SEMA3A: variants seen among roughly 807,000 people sequenced by gnomAD.
The protein encoded by SEMA3A is semaphorin 3A.
SEMA3A carries 29 observed loss-of-function variants against 97.9 expected under a neutral mutation model. The ratio of observed to expected loss-of-function variants is 0.30; its 90% CI spans 0.22 to 0.40. The LOEUF is 0.40. SEMA3A is among the 10% of genes least tolerant of loss of function. The pLI, the probability that SEMA3A is intolerant of heterozygous loss-of-function variation, is 1.00. For synonymous variants in SEMA3A, 321 were observed against 323.7 expected, an observed-to-expected ratio of 0.99 and a Z score of 0.09; for missense variants, 763 against 951.3, an observed-to-expected ratio of 0.80 and a Z score of 2.60.
In SEMA3A at chr7:84,429,519, TATA is replaced by T. The variant is rs1562945074; in HGVS notation, c.-245-57622_-245-57620del. On this transcript the variant is annotated intron_variant, in intron 1 of 3. Coordinates refer to the SEMA3A transcript ENST00000424555. The stretch of plus-strand genomic sequence containing the variant: ...CATTAGTAAAATATAGAGTTTGTTA[TATA>T]TATATATATATATATATATATATAT... 7.9e-4 allele frequency among the ~76,000 whole-genome samples: 72 copies of T among 91,398 alleles called. 5 individuals carry two copies. The highest frequency in any genetic ancestry group is 2.7e-3 in the African/African-American group (67 of 24,984). 60.0% of individuals were successfully genotyped at this position (91,398 alleles called of 152,430 possible).
At chr7:84,484,551 AC>A (rs1806527043) in intron 1 of SEMA3A, among the ~76,000 whole-genome samples, 1 of 150,806 alleles carries the variant, frequency 6.6e-6, no homozygotes, top group Admixed American at 6.6e-5. Flanking sequence ...ACTTTCACAC[AC>A]ACACACACAC....
chr7:84,130,529 A>C (rs959932674), intron 2 of SEMA3A, among the ~76,000 whole-genome samples: 18 of 152,110 alleles, frequency 1.2e-4, no homozygotes, highest in African/African-American at 4.3e-4. Flanking sequence ...TATGTAAATT[A>C]AAATTATAGT....
chr7:84,403,830 G>T (rs998223808), intron 1 of SEMA3A, among the ~76,000 whole-genome samples: 3 of 152,084 alleles, frequency 2.0e-5, no homozygotes, highest in African/African-American at 4.8e-5. Context: ...TGCAGCTGAG[G>T]GTCCTGACTG....
At chr7:83,963,426 C>A in intron 15 of SEMA3A, 79 bp from the exon 16 acceptor site, 1 of 1,470,118 alleles carries the variant, frequency 6.8e-7, no homozygotes, top group Non-Finnish European at 9.3e-7. Flanking sequence ...TTTGGAAATT[C>A]AGGAGACAAG....
intron 1 of SEMA3A, among the ~76,000 whole-genome samples, chr7:84,403,723 A>G (rs946312371): frequency 6.6e-6 from 1 of 152,064 alleles, no homozygotes; most frequent in African/African-American, 2.4e-5. Flanking sequence ...AGGCAGCAAC[A>G]TTTGCGGTTC....
chr7:84,366,484 C>CT (rs150303669), intron 2 of SEMA3A, among the ~76,000 whole-genome samples: 9,651 of 151,208 alleles, frequency 0.064, 363 homozygotes, highest in East Asian at 0.13. Flanking sequence ...TAAATTACTC[C>CT]TTTTTATCAA....
chr7:84,238,393 A>C (rs1799284154), intron 3 of SEMA3A, among the ~76,000 whole-genome samples: 1 of 152,112 alleles, frequency 6.6e-6, no homozygotes, highest in Non-Finnish European at 1.5e-5. Flanking sequence ...ACTGAACTTG[A>C]GTACAGGACA....
intron 4 of SEMA3A, among the ~76,000 whole-genome samples, 166 bp downstream of exon 4, chr7:84,110,304 C>T (rs1018368086): frequency 6.6e-6 from 1 of 152,142 alleles, no homozygotes; most frequent in Non-Finnish European, 1.5e-5. Context: ...GTAATGTTCT[C>T]ATTCTTTTTG....
chr7:84,312,374 T>C (rs973289925), intron 2 of SEMA3A, among the ~76,000 whole-genome samples: 2 of 151,768 alleles, frequency 1.3e-5, no homozygotes, highest in Non-Finnish European at 3.0e-5. Flanking sequence ...GAAAAGGTCA[T>C]GAAGAAAGGC....
intron 3 of SEMA3A, among the ~76,000 whole-genome samples, chr7:84,272,905 C>T (rs2115709559): frequency 6.6e-6 from 1 of 152,158 alleles, no homozygotes; most frequent in East Asian, 1.9e-4. Context: ...TATATTTTAT[C>T]ATCCTAATAG....
At chr7:84,473,056 C>A (rs1211845256) in intron 1 of SEMA3A, among the ~76,000 whole-genome samples, 1 of 151,576 alleles carries the variant, frequency 6.6e-6, no homozygotes, top group Admixed American at 6.6e-5. Context: ...ATAAGAAACT[C>A]TATAATTTAC....
intron 1 of SEMA3A, among the ~76,000 whole-genome samples, chr7:84,433,595 T>G (rs929037878): frequency 6.6e-6 from 1 of 152,176 alleles, no homozygotes; most frequent in East Asian, 1.9e-4. Flanking sequence ...ATATACCCAG[T>G]AATGGTATTG....
At chr7:84,247,551 A>G (rs1216919370) in intron 3 of SEMA3A, among the ~76,000 whole-genome samples, 2 of 152,240 alleles carry the variant, frequency 1.3e-5, no homozygotes, top group Non-Finnish European at 2.9e-5. Flanking sequence ...TTAAGCCAAT[A>G]AAGAGTAACA....
intron 1 of SEMA3A, among the ~76,000 whole-genome samples, chr7:84,439,063 A>G (rs1805206917): frequency 6.6e-6 from 1 of 151,724 alleles, no homozygotes; most frequent in African/African-American, 2.4e-5. Context: ...AAAGAGTATC[A>G]ACTTCTACAT....
intron 12 of SEMA3A, among the ~76,000 whole-genome samples, chr7:83,987,932 C>T (rs1789705981): frequency 6.6e-6 from 1 of 152,184 alleles, no homozygotes; most frequent in Non-Finnish European, 1.5e-5. Flanking sequence ...GAGAGGTGGC[C>T]TACTATTTTC....
intron 2 of SEMA3A, among the ~76,000 whole-genome samples, chr7:84,333,061 A>G (rs760839872): frequency 6.6e-6 from 1 of 152,090 alleles, no homozygotes; most frequent in Non-Finnish European, 1.5e-5. Context: ...ACCTCCATTG[A>G]TACTATTTTT....
chr7:84,299,385 T>TATATATATATATAC (rs1800952097), intron 3 of SEMA3A, among the ~76,000 whole-genome samples: 1 of 139,088 alleles, frequency 7.2e-6, no homozygotes, highest in African/African-American at 2.7e-5. Context: ...TATATATATA[T>TATATATATATATAC]ACACACATCT....
chr7:84,235,606 T>C lies in SEMA3A; in HGVS notation c.-82-40938A>G, dbSNP rs80343353. ...ATTTTTTTAAAAAGTAGTTTGGGTA[T>C]AATTGTTTTAATTCTTAATTCCTCT... is the stretch of plus-strand genomic sequence containing the variant. On this transcript the variant is annotated intron_variant, in intron 3 of 3. Transcript: ENST00000424555. Among the ~76,000 whole-genome samples the C allele has an allele frequency of 6.8e-3, 1,042 of 152,190 alleles. 4 individuals are homozygous for C. Among genetic ancestry groups the C allele is most frequent in the Non-Finnish European group, 0.011 (755 of 67,968 alleles).
chr7:84,404,416 A>G (rs903539477), intron 1 of SEMA3A, among the ~76,000 whole-genome samples: 18 of 152,174 alleles, frequency 1.2e-4, no homozygotes, highest in Non-Finnish European at 2.9e-5. Flanking sequence ...ATCTACGTCT[A>G]ATTGGTGTAC....
Sources: allele counts gnomAD v4.1 joint callset (sites outside exome capture counted in the v4.1 genomes callset), GRCh38; gene constraint gnomAD v4.1.1; transcripts MANE v1.5; gene names NCBI Gene and HGNC (gene_info 2026-07-23, HGNC 2026-07-21).